R3HDM1: variants seen among roughly 807,000 people sequenced by gnomAD.
R3HDM1 encodes the protein R3H domain-containing protein 1.
In R3HDM1, 46 loss-of-function variants were observed where a neutral mutation model predicts 141.1. The ratio of observed to expected loss-of-function variants is 0.33; its 90% confidence interval spans 0.26 to 0.42. The LOEUF (loss-of-function observed/expected upper bound fraction) is 0.42. Among genes scored for constraint, R3HDM1 ranks in the 10% least tolerant of loss-of-function variants. The pLI is 1.00. For missense variants in R3HDM1, 1,184 were observed against 1,368.3 expected (o/e 0.87, Z 2.12); for synonymous variants, 435 against 472.9 (o/e 0.92, Z 1.04).
intron 1 of R3HDM1, among the ~76,000 whole-genome samples, chr2:135,571,430 ATTC>A (rs1315067152): frequency 6.6e-6 from 1 of 151,716 alleles, no homozygotes; most frequent in Non-Finnish European, 1.5e-5. Context: ...GGTTCAAGCA[ATTC>A]TTCTGCCTCA....
intron 16 of R3HDM1, chr2:135,649,235 T>G (rs528534866): frequency 6.6e-6 from 1 of 152,210 alleles, no homozygotes; most frequent in South Asian, 2.1e-4. Flanking sequence ...CGGCTAATTT[T>G]TTGTATTTTT....
chr2:135,575,597 TA>T (rs916639942), intron 1 of R3HDM1, among the ~76,000 whole-genome samples: 3 of 152,122 alleles, frequency 2.0e-5, no homozygotes, highest in African/African-American at 7.2e-5. Context: ...TAGCAGGATA[TA>T]AAATTAACTT....
intron 21 of R3HDM1, among the ~76,000 whole-genome samples, chr2:135,698,405 C>A (rs188891259): frequency 1.3e-5 from 2 of 152,074 alleles, no homozygotes; most frequent in Admixed American, 1.3e-4. Flanking sequence ...GTGATCCGCC[C>A]TCCTCAGCCT....
At chr2:135,708,752 G>T (rs951656282) in intron 21 of R3HDM1, among the ~76,000 whole-genome samples, 3 of 152,048 alleles carry the variant, frequency 2.0e-5, no homozygotes, top group African/African-American at 7.2e-5. Flanking sequence ...TTGAGGTCAC[G>T]AGTTCAAGAC....
intron 1 of R3HDM1, 121 bp downstream of exon 1, chr2:135,531,754 G>A (rs1694761034): frequency 1.0e-6 from 1 of 985,822 alleles, no homozygotes; most frequent in Non-Finnish European, 1.2e-6. Context: ...GAGATGTGGT[G>A]TGTGGAAAGG....
At chr2:135,709,385 TTA>T in intron 21 of R3HDM1, 46 bp from the exon 22 acceptor site, 1 of 1,609,438 alleles carries the variant, frequency 6.2e-7, no homozygotes, top group Non-Finnish European at 8.5e-7. Flanking sequence ...TCAAGAATGT[TTA>T]TAGTCATCCT....
chr2:135,560,356 T>C (rs114803192), intron 1 of R3HDM1, among the ~76,000 whole-genome samples: 1,572 of 152,240 alleles, frequency 0.01, 25 homozygotes, highest in African/African-American at 0.036. Context: ...TGAATCTTTT[T>C]TCAGGCTGGA....
chr2:135,619,872 G>A (rs1367043249), intron 5 of R3HDM1: 1 of 236,584 alleles, frequency 4.2e-6, no homozygotes, highest in Non-Finnish European at 6.9e-6. Context: ...AATAACAGAT[G>A]TTATTGACAG....
intron 18 of R3HDM1, among the ~76,000 whole-genome samples, chr2:135,655,900 T>G (rs1263478421): frequency 6.6e-6 from 1 of 152,194 alleles, no homozygotes; most frequent in African/African-American, 2.4e-5. Context: ...TTTGGAGTGT[T>G]GATAGGTATT....
Position 135,636,004 on chromosome 2 carries a change from C to G in R3HDM1, c.807+6C>G, listed in dbSNP as rs1187006533. The G allele has an allele frequency of 6.2e-7, 1 of 1,608,850 alleles. No individual in the cohort carries two copies. Among genetic ancestry groups the G allele is most frequent in the African/African-American group, 1.3e-5 (1 of 74,502 alleles). On this transcript the variant is annotated splice_donor_region_variant and intron_variant, in intron 10 of 26. Transcript: ENST00000683871. ...TTGACAAAGATGATAACCAGGTAATCTAGAACAATTGTAGGATTTGTATAG... is the reference window on the plus strand; with the variant it reads ...TTGACAAAGATGATAACCAGGTAATGTAGAACAATTGTAGGATTTGTATAG...
chr2:135,559,214 T>G (rs1402707269), intron 1 of R3HDM1: 1 of 210,970 alleles, frequency 4.7e-6, no homozygotes, highest in South Asian at 1.7e-4. Context: ...TGGGCTCAAG[T>G]GATCCTCCTG....
Position 135,649,981 on chromosome 2 carries a change from C to A in R3HDM1, c.1703C>A (p.Ser568Ter), listed in dbSNP as rs1278977173. The part of the protein sequence containing the change: ...APYPSPFLPV[S>*]PTQQYSVQDN... Reference sequence around the variant, plus strand: ...TACCCATCCCCGTTCCTGCCAGTCTCACCCACCCAGCAATACTCTGTGGTA... The same window carrying A: ...TACCCATCCCCGTTCCTGCCAGTCTAACCCACCCAGCAATACTCTGTGGTA... Residue 568 changes from serine to a stop codon, truncating the protein, a stop_gained, in exon 17 of 27, where the codon TCA (serine) becomes TAA (stop). Coordinates refer to ENST00000683871, the MANE Select transcript of R3HDM1 (RefSeq NM_001378107.1). LOFTEE classifies it high-confidence loss of function. 5 of 1,294,900 alleles carry A rather than the reference C, an allele frequency of 3.9e-6. No homozygotes were observed. Among genetic ancestry groups the A allele is most frequent in the Non-Finnish European group, 5.1e-6 (5 of 984,366 alleles). The allele number at this position is 1,294,900 out of a possible 1,614,324, so 80.2% of individuals were successfully genotyped here.
chr2:135,644,171 A>G (rs1407548886), intron 15 of R3HDM1, among the ~76,000 whole-genome samples: 2 of 152,156 alleles, frequency 1.3e-5, no homozygotes, highest in Admixed American at 6.5e-5. Flanking sequence ...CTTAAAACAA[A>G]TGTTACTTTT....
intron 23 of R3HDM1, among the ~76,000 whole-genome samples, chr2:135,712,854 G>A (rs1490589357): frequency 6.6e-6 from 1 of 151,920 alleles, no homozygotes; most frequent in Non-Finnish European, 1.5e-5. Flanking sequence ...CTGGGAGGCG[G>A]AGCTTGCAGT....
intron 1 of R3HDM1, among the ~76,000 whole-genome samples, chr2:135,535,612 T>A (rs532171415): frequency 2.6e-5 from 4 of 152,188 alleles, no homozygotes; most frequent in Non-Finnish European, 5.9e-5. Flanking sequence ...TTAAAAAAAA[T>A]TAAATCATCT....
chr2:135,557,473 A>G (rs2104947524), intron 1 of R3HDM1, among the ~76,000 whole-genome samples: 1 of 152,332 alleles, frequency 6.6e-6, no homozygotes, highest in Middle Eastern at 3.4e-3. Flanking sequence ...TGCCAGGTCC[A>G]GAAGTTAAGA....
intron 11 of R3HDM1, among the ~76,000 whole-genome samples, chr2:135,638,072 T>C (rs1275949406): frequency 1.3e-5 from 2 of 152,204 alleles, no homozygotes; most frequent in Admixed American, 6.5e-5. Context: ...GGAAGAGTTA[T>C]GATCAAATTG....
At chr2:135,537,279 T>G (rs1360410400) in intron 1 of R3HDM1, among the ~76,000 whole-genome samples, 3 of 96,166 alleles carry the variant, frequency 3.1e-5, no homozygotes, top group African/African-American at 1.9e-4. Flanking sequence ...TAGTCTGTCT[T>G]TTTTTTTTTT....
chr2:135,583,734 A>G (rs1474869124), intron 1 of R3HDM1: 1 of 985,022 alleles, frequency 1.0e-6, no homozygotes, highest in East Asian at 1.1e-4. Context: ...ATTAGGTTCA[A>G]ATGTTGTCTT....
Sources: gnomAD v4.1 joint callset for allele counts (sites outside exome capture counted in the v4.1 genomes callset) on GRCh38, gnomAD v4.1.1 for gene constraint, MANE v1.5 for transcripts, NCBI Gene and HGNC (gene_info 2026-07-23, HGNC 2026-07-21) for gene names.